The following IFT57 variants were observed in gnomAD, a reference collection of about 807,000 sequenced individuals.
IFT57 encodes intraflagellar transport protein 57 homolog.
Under a neutral mutation model 56.8 loss-of-function variants are expected in IFT57, and 59 were observed. The observed-to-expected ratio is 1.04, with a 90% CI of 0.84 to 1.29. IFT57 has a LOEUF of 1.29. Ranked by LOEUF, IFT57 falls within the 50% of genes most tolerant of loss-of-function variation. IFT57 has a pLI of 0.00. For missense variants in IFT57, 470 were observed against 522.1 expected, an observed-to-expected ratio of 0.90 and a Z score of 0.97; for synonymous variants, 209 against 186.1, an observed-to-expected ratio of 1.12 and a Z score of -1.00.
chr3:108,192,846 TA>T (rs1432845483), intron 5 of IFT57, among the ~76,000 whole-genome samples: 1 of 152,038 alleles, frequency 6.6e-6, no homozygotes, highest in East Asian at 1.9e-4. Context: ...TGGTTTTTTT[TA>T]AAAGGGCCTT....
chr3:108,204,528 T>C (rs1204757834), intron 5 of IFT57, among the ~76,000 whole-genome samples: 1 of 152,308 alleles, frequency 6.6e-6, no homozygotes, highest in East Asian at 1.9e-4. Flanking sequence ...GCCTTCACAG[T>C]TCTCTGTTTA....
At chr3:108,187,350 C>T (rs928354688) in intron 6 of IFT57, among the ~76,000 whole-genome samples, 1 of 152,068 alleles carries the variant, frequency 6.6e-6, no homozygotes, top group Non-Finnish European at 1.5e-5. Context: ...GCAATAAAAA[C>T]CTTGTTGCAA....
chr3:108,178,436 A>T (rs1166283148), intron 6 of IFT57, among the ~76,000 whole-genome samples: 14 of 151,974 alleles, frequency 9.2e-5, no homozygotes, highest in Admixed American at 8.5e-4. Context: ...AATCATTTTG[A>T]GTATATTAAA....
intron 9 of IFT57, among the ~76,000 whole-genome samples, chr3:108,164,873 T>C (rs1190874328): frequency 6.6e-6 from 1 of 152,100 alleles, no homozygotes; most frequent in Non-Finnish European, 1.5e-5. Flanking sequence ...TCAAGGTTTT[T>C]TCCTCCTTTG....
At position 108,163,740 on chromosome 3, in the gene IFT57, A is replaced by G; in HGVS notation, c.1045-11T>C. The stretch of plus-strand genomic sequence containing the variant: ...TAATTCTTCCATAACCTTTCATGAA[A>G]ACAAGTTTTCATGAGCATTACATTT... On this transcript the variant is annotated splice_polypyrimidine_tract_variant and intron_variant, in intron 9 of 10. Coordinates refer to ENST00000264538, the MANE Select transcript of IFT57 (RefSeq NM_018010.4). The G allele has an allele frequency of 6.3e-7, 1 of 1,575,184 alleles. No homozygotes were observed. The highest frequency in any genetic ancestry group is 1.1e-5 in the South Asian group (1 of 89,590).
intron 5 of IFT57, among the ~76,000 whole-genome samples, chr3:108,191,972 T>C (rs13061039): frequency 3.1e-4 from 47 of 152,138 alleles, no homozygotes; most frequent in Middle Eastern, 3.4e-3. Flanking sequence ...TTGGTAACAG[T>C]AGAGAAGATG....
rs2108305659 is a variant in IFT57, at chr3:108,161,516, C to T, written c.*961G>A. 1 of 129,120 alleles carries T rather than the reference C, an allele frequency of 7.7e-6. No individual in the cohort carries two copies. Among genetic ancestry groups the T allele is most frequent in the Non-Finnish European group, 1.6e-5 (1 of 62,318 alleles). 8.0% of individuals were successfully genotyped at this position (129,120 alleles called of 1,614,324 possible). On this transcript the variant is annotated 3_prime_UTR_variant, in exon 11 of 11. Transcript: ENST00000264538. ...TAAAGCATTCTTATCAAATTTTCTA[C>T]CACTGCTTTTGAAAATTATTAAAAA...
intron 4 of IFT57, among the ~76,000 whole-genome samples, chr3:108,208,468 C>T (rs1441943202): frequency 1.3e-5 from 2 of 152,082 alleles, no homozygotes; most frequent in Non-Finnish European, 2.9e-5. Flanking sequence ...GGACTGAACA[C>T]CAATAGGTAA....
intron 6 of IFT57, among the ~76,000 whole-genome samples, chr3:108,170,321 G>A (rs2080086141): frequency 6.6e-6 from 1 of 152,126 alleles, no homozygotes; most frequent in African/African-American, 2.4e-5. Context: ...CAAAATCAAT[G>A]TGCAAAAATC....
chr3:108,169,229 G>T (rs1414973741), intron 6 of IFT57, among the ~76,000 whole-genome samples: 2 of 152,004 alleles, frequency 1.3e-5, no homozygotes, highest in East Asian at 3.9e-4. Flanking sequence ...GATTTGCATT[G>T]TTCTAATTAA....
chr3:108,175,693 C>T (rs972849687), intron 6 of IFT57, among the ~76,000 whole-genome samples: 21 of 151,452 alleles, frequency 1.4e-4, no homozygotes, highest in Non-Finnish European at 4.4e-5. Flanking sequence ...TCTGAAACTG[C>T]AGGAAAAAGA....
chr3:108,173,943 G>C (rs953827503), intron 6 of IFT57, among the ~76,000 whole-genome samples: 2 of 146,686 alleles, frequency 1.4e-5, no homozygotes, highest in African/African-American at 5.1e-5. Flanking sequence ...GTCTCAAAAA[G>C]AGTATTTTCA....
At chr3:108,207,287 G>C (rs1462558304) in intron 4 of IFT57, among the ~76,000 whole-genome samples, 2 of 152,240 alleles carry the variant, frequency 1.3e-5, no homozygotes, top group Non-Finnish European at 2.9e-5. Flanking sequence ...CTTATCTGCA[G>C]ACCAATTGGA....
intron 3 of IFT57, among the ~76,000 whole-genome samples, chr3:108,214,809 A>G (rs2080362062): frequency 6.6e-6 from 1 of 152,264 alleles, no homozygotes. Context: ...AAGAAAATTA[A>G]TGTTTTGCCT....
chr3:108,185,491 T>A (rs921759312), intron 6 of IFT57, among the ~76,000 whole-genome samples: 2 of 151,702 alleles, frequency 1.3e-5, no homozygotes, highest in African/African-American at 4.8e-5. Context: ...AAGTGCCCTG[T>A]TATGAAAAAA....
intron 5 of IFT57, among the ~76,000 whole-genome samples, chr3:108,193,979 C>T (rs984660335): frequency 2.0e-5 from 3 of 152,154 alleles, no homozygotes; most frequent in African/African-American, 7.2e-5. Context: ...TATGTGAGCC[C>T]TGACCTCAGG....
At position 108,206,619 on chromosome 3, in the gene IFT57, G is replaced by T. The variant is rs1315338770; in HGVS notation, c.654+9C>A. ...CTTGTTGGTCCTGCATGTATCTGAT[G>T]AAACTTACCAAGTGATATGTCTGGG... On this transcript the variant is annotated intron_variant, in intron 5 of 10. Coordinates refer to ENST00000264538, the MANE Select transcript of IFT57 (RefSeq NM_018010.4). 7.6e-7 allele frequency: 1 copy of T among 1,308,702 alleles called. No homozygotes were observed. 81.1% of individuals were successfully genotyped at this position (1,308,702 alleles called of 1,614,324 possible).
chr3:108,192,255 T>TA (rs981612814), intron 5 of IFT57, among the ~76,000 whole-genome samples: 1 of 145,238 alleles, frequency 6.9e-6, no homozygotes, highest in Non-Finnish European at 1.5e-5. Flanking sequence ...AGACAAAATA[T>TA]AAAAAAATTC....
chr3:108,170,364 T>TAGAG (rs2080086394), intron 6 of IFT57, among the ~76,000 whole-genome samples: 1 of 151,808 alleles, frequency 6.6e-6, no homozygotes, highest in Non-Finnish European at 1.5e-5. Context: ...AATAGACAAG[T>TAGAG]AGAGAGCTAA....
Sources: gnomAD v4.1 joint callset for allele counts (sites outside exome capture counted in the v4.1 genomes callset) on GRCh38, gnomAD v4.1.1 for gene constraint, MANE v1.5 for transcripts, NCBI Gene and HGNC (gene_info 2026-07-23, HGNC 2026-07-21) for gene names.